LRRC4C: variants seen among roughly 807,000 people sequenced by gnomAD.
LRRC4C encodes leucine-rich repeat-containing protein 4C.
LRRC4C carries 5 observed loss-of-function variants against 33.6 expected under a neutral mutation model. That is an observed-to-expected ratio of 0.15 (90% CI 0.08 to 0.31). The LOEUF (loss-of-function observed/expected upper bound fraction) is 0.31. Ranked by LOEUF, LRRC4C falls within the 10% of genes least tolerant of loss-of-function variation. The pLI is 1.00. For missense variants in LRRC4C, 560 were observed against 796.7 expected, an observed-to-expected ratio of 0.70 and a Z score of 3.58; for synonymous variants, 329 against 302.0, an observed-to-expected ratio of 1.09 and a Z score of -0.93.
At chr11:40,504,119 C>G (rs1026477840) in intron 3 of LRRC4C, among the ~76,000 whole-genome samples, 2 of 152,040 alleles carry the variant, frequency 1.3e-5, no homozygotes, top group African/African-American at 2.4e-5. Flanking sequence ...TCCAAAACTG[C>G]AAATCTTCCA....
chr11:40,218,756 T>C (rs199702080), intron 5 of LRRC4C, among the ~76,000 whole-genome samples: 1 of 135,464 alleles, frequency 7.4e-6, no homozygotes, highest in Admixed American at 7.9e-5. Flanking sequence ...TCCATCCATC[T>C]ATCCATCCAT....
intron 2 of LRRC4C, among the ~76,000 whole-genome samples, chr11:40,807,109 C>A (rs1951286109): frequency 6.6e-6 from 1 of 152,150 alleles, no homozygotes; most frequent in African/African-American, 2.4e-5. Context: ...AAATATACAG[C>A]TAACTTTCAG....
chr11:40,665,801 T>C (rs900066907), intron 2 of LRRC4C, among the ~76,000 whole-genome samples: 8 of 152,144 alleles, frequency 5.3e-5, no homozygotes, highest in African/African-American at 1.9e-4. Context: ...AAAGTGCTAA[T>C]AACTGCCCCT....
intron 2 of LRRC4C, among the ~76,000 whole-genome samples, chr11:40,756,381 T>C (rs373016437): frequency 6.6e-6 from 1 of 152,244 alleles, no homozygotes; most frequent in African/African-American, 2.4e-5. Context: ...ATTCACCTCT[T>C]TGGTAAACCT....
chr11:41,129,060 C>T (rs1436047669), intron 1 of LRRC4C, among the ~76,000 whole-genome samples: 1 of 151,844 alleles, frequency 6.6e-6, no homozygotes, highest in Non-Finnish European at 1.5e-5. Context: ...CTGACAAATG[C>T]TCTGAGGTGG....
intron 1 of LRRC4C, among the ~76,000 whole-genome samples, chr11:41,313,147 G>A (rs1448593956): frequency 6.6e-6 from 1 of 152,152 alleles, no homozygotes; most frequent in African/African-American, 2.4e-5. Flanking sequence ...ATTGGCAGTA[G>A]GCCAGTTCCA....
intron 2 of LRRC4C, among the ~76,000 whole-genome samples, chr11:40,909,781 T>A (rs373049584): frequency 6.6e-6 from 1 of 152,154 alleles, no homozygotes; most frequent in African/African-American, 2.4e-5. Context: ...CAACATTGTA[T>A]CACATATACA....
At chr11:40,877,645 G>A (rs879035724) in intron 2 of LRRC4C, among the ~76,000 whole-genome samples, 3 of 152,100 alleles carry the variant, frequency 2.0e-5, no homozygotes, top group Admixed American at 1.3e-4. Context: ...TTCACCAACC[G>A]TAAAGGGCTT....
intron 2 of LRRC4C, among the ~76,000 whole-genome samples, chr11:40,896,485 T>C (rs919485465): frequency 2.0e-5 from 3 of 152,104 alleles, no homozygotes; most frequent in African/African-American, 7.2e-5. Flanking sequence ...TTACAAATCT[T>C]AAATAACTTG....
chr11:40,527,715 T>A (rs372960469), intron 3 of LRRC4C, among the ~76,000 whole-genome samples: 1 of 152,146 alleles, frequency 6.6e-6, no homozygotes, highest in Non-Finnish European at 1.5e-5. Context: ...TAGTTTAATA[T>A]AGAGGTCTAC....
chr11:41,010,592 G>T (rs572097580), intron 1 of LRRC4C, among the ~76,000 whole-genome samples: 60 of 152,194 alleles, frequency 3.9e-4, no homozygotes, highest in Admixed American at 9.8e-4. Flanking sequence ...TGCCTGAGAA[G>T]TTCTCCAAAA....
intron 2 of LRRC4C, among the ~76,000 whole-genome samples, chr11:40,849,205 C>T (rs1953354989): frequency 1.3e-5 from 2 of 152,066 alleles, no homozygotes; most frequent in African/African-American, 2.4e-5. Flanking sequence ...GGTTATTTTG[C>T]CCGTTAGTTG....
intron 1 of LRRC4C, among the ~76,000 whole-genome samples, chr11:40,989,186 TC>T (rs1592273145): frequency 6.6e-6 from 1 of 152,214 alleles, no homozygotes; most frequent in African/African-American, 2.4e-5. Context: ...CACAATAAGC[TC>T]ATTTATTTTT....
chr11:40,584,603 G>A (rs931125376), intron 3 of LRRC4C, among the ~76,000 whole-genome samples: 1 of 152,118 alleles, frequency 6.6e-6, no homozygotes, highest in Admixed American at 6.5e-5. Flanking sequence ...GTAAGAGAGA[G>A]AATCCAGAGG....
At chr11:41,025,322 G>C (rs1856268145) in intron 1 of LRRC4C, among the ~76,000 whole-genome samples, 1 of 151,504 alleles carries the variant, frequency 6.6e-6, no homozygotes, top group Non-Finnish European at 1.5e-5. Context: ...TGAATGCAAA[G>C]GAAAAGCTCT....
At chr11:40,177,273 A>G (rs1302742848) in intron 5 of LRRC4C, among the ~76,000 whole-genome samples, 1 of 152,140 alleles carries the variant, frequency 6.6e-6, no homozygotes, top group East Asian at 1.9e-4. Context: ...TTTTTTCAAC[A>G]AAATGATGAG....
At chr11:40,953,277 A>C (rs993647147) in intron 1 of LRRC4C, among the ~76,000 whole-genome samples, 9 of 151,922 alleles carry the variant, frequency 5.9e-5, no homozygotes, top group African/African-American at 2.2e-4. Flanking sequence ...AGAGGCCAAT[A>C]ACTTTTCAAT....
intron 1 of LRRC4C, among the ~76,000 whole-genome samples, chr11:41,318,862 A>T (rs1298855866): frequency 6.6e-6 from 1 of 152,126 alleles, no homozygotes; most frequent in Admixed American, 6.5e-5. Flanking sequence ...TTCACATTGT[A>T]GCTCATGGAT....
At chr11:40,891,384 C>T (rs1955700895) in intron 2 of LRRC4C, among the ~76,000 whole-genome samples, 1 of 152,268 alleles carries the variant, frequency 6.6e-6, no homozygotes. Context: ...AGAGACATTT[C>T]TGTTTGTCAC....
Sources: gnomAD v4.1 joint callset for allele counts (sites outside exome capture counted in the v4.1 genomes callset) on GRCh38, gnomAD v4.1.1 for gene constraint, MANE v1.5 for transcripts, NCBI Gene and HGNC (gene_info 2026-07-23, HGNC 2026-07-21) for gene names.